The following VPS53 variants were observed in gnomAD, a reference collection of about 807,000 sequenced individuals.
VPS53 encodes VPS53 subunit of GARP complex, also known as vacuolar protein sorting-associated protein 53 homolog.
Under a neutral mutation model 107.0 loss-of-function variants are expected in VPS53, and 70 were observed. That is an observed-to-expected ratio of 0.65 (90% CI 0.54 to 0.80). The LOEUF is 0.80. Ranked by LOEUF, VPS53 falls within the 30% of genes least tolerant of loss-of-function variation. VPS53 has a pLI of 0.00. For synonymous variants in VPS53, 409 were observed against 393.3 expected, an observed-to-expected ratio of 1.04 and a Z score of -0.47; for missense variants, 917 against 1,049.4, an observed-to-expected ratio of 0.87 and a Z score of 1.74.
chr17:693,955 C>T (rs946602371), intron 4 of VPS53, among the ~76,000 whole-genome samples: 7 of 152,140 alleles, frequency 4.6e-5, no homozygotes, highest in African/African-American at 9.7e-5. Flanking sequence ...TTGGAACATC[C>T]GTAATTCCAC....
chr17:605,359 T>C (rs188446806), intron 11 of VPS53, among the ~76,000 whole-genome samples: 8 of 151,784 alleles, frequency 5.3e-5, no homozygotes, highest in African/African-American at 1.7e-4. Context: ...CTGAGCTGAG[T>C]AAGAAGGAAC....
In VPS53 at chr17:524,684, T is replaced by C. The variant is rs1163128119; in HGVS notation, c.2086-2946A>G. Among the ~76,000 whole-genome samples, 2 of 152,238 alleles carry C rather than the reference T, an allele frequency of 1.3e-5. No individual in the cohort carries two copies. Among genetic ancestry groups the C allele is most frequent in the African/African-American group, 4.8e-5 (2 of 41,460 alleles). On this transcript the variant is annotated intron_variant, in intron 19 of 21. Coordinates refer to ENST00000437048, the MANE Select transcript of VPS53 (RefSeq NM_001128159.3). The surrounding 1 kb of genome is among the most constrained non-coding windows in gnomAD (Gnocchi z 4.5). ...TTAAAACCACAGATGTACACCATAATACATCCATCAGAGTCAGAAGTAAAC... is the reference window on the plus strand; with the variant it reads ...TTAAAACCACAGATGTACACCATAACACATCCATCAGAGTCAGAAGTAAAC...
At chr17:556,727 AATGAACAGAG>A (rs1317864242) in intron 15 of VPS53, among the ~76,000 whole-genome samples, 1 of 152,198 alleles carries the variant, frequency 6.6e-6, no homozygotes, top group Non-Finnish European at 1.5e-5. Flanking sequence ...ATTTGGTGCT[AATGAACAGAG>A]GTGAACAAAG....
intron 17 of VPS53, among the ~76,000 whole-genome samples, chr17:542,964 C>T (rs59864783): frequency 0.039 from 5,444 of 140,342 alleles, 338 homozygotes; most frequent in East Asian, 0.24. Context: ...CCGGATAGAG[C>T]GAGACTCTGT....
intron 17 of VPS53, chr17:551,642 T>TG (rs1473445155): frequency 3.3e-6 from 1 of 302,066 alleles, no homozygotes; most frequent in African/African-American, 2.2e-5. Context: ...TCTTTTTTTT[T>TG]TGCCATCCTC....
chr17:661,254 G>A (rs1051005140), intron 5 of VPS53, among the ~76,000 whole-genome samples: 19 of 152,004 alleles, frequency 1.2e-4, no homozygotes, highest in Non-Finnish European at 1.9e-4. Flanking sequence ...GGGCACAGTG[G>A]CTCACACCTG....
In VPS53 at chr17:699,161, G is replaced by A. The variant is rs888615465; in HGVS notation, c.218+170C>T. 7.2e-5 allele frequency among the ~76,000 whole-genome samples: 11 copies of A among 151,830 alleles called. No individual in the cohort carries two copies. In the East Asian group the frequency reaches 9.6e-4, roughly 13 times the overall value. On this transcript the variant is annotated intron_variant, in intron 3 of 21. Coordinates refer to ENST00000437048, the MANE Select transcript of VPS53 (RefSeq NM_001128159.3). ...CAGCCTAGGCAATGAGCAAAAATCC[G>A]TCTCAAAAATAAATAAATAAATAAT... is the stretch of plus-strand genomic sequence containing the variant.
chr17:595,766 G>C (rs1967938919), intron 12 of VPS53, among the ~76,000 whole-genome samples: 5 of 131,752 alleles, frequency 3.8e-5, no homozygotes, highest in African/African-American at 1.5e-4. Flanking sequence ...CCTGGAGGAA[G>C]CTGGGAGATG....
In VPS53 at chr17:594,965, CACCCT is replaced by C. The variant is rs1407364482; in HGVS notation, c.1218+6825_1218+6829del. ...GGTTTGATGATGCACTCTAGTGCCC[CACCCT>C]GGAGGAAGCTGGGAGATGGGAAGGG... On this transcript the variant is annotated intron_variant, in intron 12 of 21. Coordinates refer to ENST00000437048, the MANE Select transcript of VPS53 (RefSeq NM_001128159.3). Among the ~76,000 whole-genome samples the C allele has an allele frequency of 8.5e-3, 316 of 37,144 alleles. 7 individuals carry two copies. The highest frequency in any genetic ancestry group is 0.02 in the Middle Eastern group (1 of 50). The allele number at this position is 37,144 out of a possible 152,430, so 24.4% of individuals were successfully genotyped here.
At chr17:567,696 G>A (rs1913653675) in intron 13 of VPS53, among the ~76,000 whole-genome samples, 1 of 151,758 alleles carries the variant, frequency 6.6e-6, no homozygotes, top group African/African-American at 2.4e-5. Context: ...AGAATAGTGT[G>A]GGCAACAAAG....
chr17:533,051 C>T, intron 18 of VPS53, 140 bp from the exon 19 acceptor site: 1 of 1,394,228 alleles, frequency 7.2e-7, no homozygotes, highest in Non-Finnish European at 9.5e-7. Flanking sequence ...TGCCCATTAT[C>T]TTATTTTTCT....
intron 13 of VPS53, among the ~76,000 whole-genome samples, chr17:568,096 G>A (rs1210629942): frequency 6.6e-6 from 1 of 152,222 alleles, no homozygotes; most frequent in East Asian, 1.9e-4. Flanking sequence ...CCATTTCTCT[G>A]GTGGGCCTGC....
intron 11 of VPS53, among the ~76,000 whole-genome samples, chr17:611,272 C>T (rs374656523): frequency 1.3e-5 from 2 of 152,162 alleles, no homozygotes; most frequent in Admixed American, 6.5e-5. Flanking sequence ...CCTCGGCCTC[C>T]CACAGTGCTG....
At chr17:580,257 A>G (rs1391296638) in intron 13 of VPS53, among the ~76,000 whole-genome samples, 1 of 151,288 alleles carries the variant, frequency 6.6e-6, no homozygotes, top group Non-Finnish European at 1.5e-5. Context: ...ATCCTCCCTC[A>G]GAATTTAATG....
chr17:568,953 C>T (rs1222355725), intron 13 of VPS53, among the ~76,000 whole-genome samples: 3 of 152,186 alleles, frequency 2.0e-5, no homozygotes, highest in Non-Finnish European at 2.9e-5. Context: ...TACACACATA[C>T]ATTTCTTAGC....
At chr17:562,185 C>T (rs1913064992) in intron 14 of VPS53, among the ~76,000 whole-genome samples, 1 of 152,186 alleles carries the variant, frequency 6.6e-6, no homozygotes, top group African/African-American at 2.4e-5. Context: ...TCCACCACAA[C>T]CTCACTTTTT....
At chr17:566,588 G>T (rs528496248) in intron 13 of VPS53, among the ~76,000 whole-genome samples, 1 of 152,110 alleles carries the variant, frequency 6.6e-6, no homozygotes, top group Admixed American at 6.6e-5. Context: ...AGGTGGAAAC[G>T]GGATGGAGGC....
At position 674,018 on chromosome 17, in the gene VPS53, T is replaced by G. The variant is rs1319104061; in HGVS notation, c.286-12123A>C. The G allele has an allele frequency of 2.0e-5, 3 of 152,190 alleles. No individual in the cohort carries two copies. The East Asian group carries it at 5.8e-4, about 29-fold the overall frequency. The allele number at this position is 152,190 out of a possible 1,614,324, so 9.4% of individuals were successfully genotyped here. A position where few individuals can be genotyped will look rare whatever the true frequency, so the allele number is the denominator to read the frequency against. On this transcript the variant is annotated intron_variant, in intron 4 of 21. Coordinates refer to ENST00000437048, the MANE Select transcript of VPS53 (RefSeq NM_001128159.3). Reference sequence around the variant, plus strand: ...CCTATATCTGTTATCACCCCTAACTTAAAACAAGCTAGCCCTGAAATAGCT... The same window carrying G: ...CCTATATCTGTTATCACCCCTAACTGAAAACAAGCTAGCCCTGAAATAGCT...
chr17:665,291 C>T (rs978151668), intron 4 of VPS53, among the ~76,000 whole-genome samples: 11 of 152,052 alleles, frequency 7.2e-5, no homozygotes, highest in Admixed American at 6.5e-4. Flanking sequence ...GGTGAGAAGG[C>T]GCTCGCCGCG....
Sources: allele counts gnomAD v4.1 joint callset (sites outside exome capture counted in the v4.1 genomes callset), GRCh38; gene constraint gnomAD v4.1.1; non-coding constraint Gnocchi (gnomAD v3.1); transcripts MANE v1.5; gene names NCBI Gene and HGNC (gene_info 2026-07-23, HGNC 2026-07-21).